Variants in ECPAS observed in about 807,000 individuals in gnomAD.
The protein encoded by ECPAS is Ecm29 proteasome adaptor and scaffold.
In ECPAS, 70 loss-of-function variants were observed where a neutral mutation model predicts 255.1. The observed-to-expected ratio is 0.27, with a 90% CI of 0.23 to 0.33. The LOEUF (loss-of-function observed/expected upper bound fraction) is 0.33. Among genes scored for constraint, ECPAS ranks in the 10% least tolerant of loss-of-function variants. ECPAS has a pLI of 1.00. For synonymous variants in ECPAS, 784 were observed against 775.0 expected (o/e 1.01, Z -0.19); for missense variants, 1,817 against 2,206.4 (o/e 0.82, Z 3.54).
rs902397132 is a variant in ECPAS at position 111,423,187 on chromosome 9, G to C, written c.1265+12C>G. The C allele has an allele frequency of 6.5e-7, 1 of 1,541,922 alleles. No individual in the cohort carries two copies. The highest frequency in any genetic ancestry group is 1.2e-5 in the South Asian group (1 of 83,730). On this transcript the variant is annotated intron_variant, in intron 13 of 49. Coordinates refer to ENST00000684092, the MANE Select transcript of ECPAS (RefSeq NM_001364929.1). ...CAACACCATATCTCTCACTAAAAAA[G>C]AGTTTACTCACCTGGAGAGTTTTCC...
At chr9:111,469,577 G>A (rs1345416449) in intron 2 of ECPAS, among the ~76,000 whole-genome samples, 5 of 152,092 alleles carry the variant, frequency 3.3e-5, no homozygotes, top group African/African-American at 4.8e-5. Flanking sequence ...TCGGGAGGCC[G>A]AGGTGGATGG....
At chr9:111,458,717 AACCCTGGAC>A in intron 2 of ECPAS, among the ~76,000 whole-genome samples, 1 of 152,160 alleles carries the variant, frequency 6.6e-6, no homozygotes, top group Admixed American at 6.5e-5. Flanking sequence ...TGGTCAATAA[AACCCTGGAC>A]ACCAAAGTTC....
intron 18 of ECPAS, 45 bp from the exon 19 acceptor site, chr9:111,414,696 G>T: frequency 6.6e-7 from 1 of 1,522,554 alleles, no homozygotes; most frequent in Non-Finnish European, 9.0e-7. Context: ...TTCTCGAAAA[G>T]TCAGTGTGGG....
chr9:111,428,291 A>G (rs2098224666), intron 9 of ECPAS, 130 bp from the exon 10 acceptor site: 7 of 719,290 alleles, frequency 9.7e-6, no homozygotes, highest in African/African-American at 7.2e-5. Flanking sequence ...CTTAAAAATT[A>G]CTGAACTCTC....
intron 6 of ECPAS, among the ~76,000 whole-genome samples, chr9:111,438,346 C>T (rs1203991726): frequency 1.3e-5 from 2 of 152,184 alleles, no homozygotes; most frequent in Admixed American, 6.5e-5. Flanking sequence ...CACCCTAAGG[C>T]TGGGTGTGGT....
At chr9:111,417,791 A>G (rs1267642883) in intron 17 of ECPAS, 92 bp downstream of exon 17, 4 of 1,205,986 alleles carry the variant, frequency 3.3e-6, no homozygotes, top group South Asian at 3.5e-5. Context: ...TTATGAGTCA[A>G]CATCTAGTGA....
At position 111,484,321 on chromosome 9, in the gene ECPAS, C is replaced by T; in HGVS notation, c.-288G>A. 1.3e-6 allele frequency: 2 copies of T among 1,595,014 alleles called. No homozygotes were observed. The highest frequency in any genetic ancestry group is 1.7e-6 in the Non-Finnish European group (2 of 1,172,350). On this transcript the variant is annotated 5_prime_UTR_variant, in exon 1 of 50. Transcript: ENST00000684092. The stretch of plus-strand genomic sequence containing the variant: ...GAGCGCCCTTTTCCGAGGTCTGCGG[C>T]TGTCACGTTGGCTGGGCCCGACCTG...
At chr9:111,415,558 A>G (rs1401632688) in intron 18 of ECPAS, among the ~76,000 whole-genome samples, 1 of 152,026 alleles carries the variant, frequency 6.6e-6, no homozygotes, top group Non-Finnish European at 1.5e-5. Flanking sequence ...AGAATTAGCC[A>G]GGGGTGGTGG....
chr9:111,432,422 T>C (rs1490220041), intron 8 of ECPAS, among the ~76,000 whole-genome samples: 2 of 152,170 alleles, frequency 1.3e-5, no homozygotes, highest in African/African-American at 2.4e-5. Context: ...GAGAGCAGCC[T>C]GGGCAACATG....
At chr9:111,469,407 G>A (rs180761025) in intron 2 of ECPAS, among the ~76,000 whole-genome samples, 5 of 151,398 alleles carry the variant, frequency 3.3e-5, no homozygotes, top group African/African-American at 7.3e-5. Context: ...GGTGACGGGC[G>A]CCTGCAATCC....
intron 32 of ECPAS, among the ~76,000 whole-genome samples, chr9:111,386,143 T>C (rs1046815122): frequency 7.9e-5 from 12 of 152,342 alleles, no homozygotes; most frequent in East Asian, 7.7e-4. Context: ...TTTGTATTTT[T>C]AGTAGAGACG....
chr9:111,409,247 G>A (rs906705336), intron 23 of ECPAS, among the ~76,000 whole-genome samples: 3 of 152,126 alleles, frequency 2.0e-5, no homozygotes, highest in African/African-American at 7.2e-5. Flanking sequence ...TTAAACAGTA[G>A]CTAGACCAAG....
chr9:111,448,308 C>T (rs2098255911), intron 3 of ECPAS, among the ~76,000 whole-genome samples: 1 of 151,862 alleles, frequency 6.6e-6, no homozygotes, highest in African/African-American at 2.4e-5. Flanking sequence ...GTTAAAATTG[C>T]AGGCTGGGGC....
intron 2 of ECPAS, among the ~76,000 whole-genome samples, chr9:111,456,075 T>C (rs994080482): frequency 6.6e-6 from 1 of 152,208 alleles, no homozygotes; most frequent in African/African-American, 2.4e-5. Context: ...TCTGGAATTT[T>C]CTTTTGGTAT....
At chr9:111,385,602 C>T (rs2098147040) in intron 32 of ECPAS, among the ~76,000 whole-genome samples, 160 bp from the exon 33 acceptor site, 1 of 152,064 alleles carries the variant, frequency 6.6e-6, no homozygotes, top group Admixed American at 6.6e-5. Context: ...TCAAATATAC[C>T]ATATATATAT....
In ECPAS at chr9:111,362,131, C is replaced by T; in HGVS notation, c.5419G>A (p.Val1807Met). Residue 1807 changes from valine (V) to methionine (M), a missense_variant, in exon 50 of 50, where the codon GTG (valine) becomes ATG (methionine). Around this residue, in one of 4 missense-constraint regions of ECPAS, gnomAD observed 960 missense variants for 1,179.0 expected, o/e 0.81. Coordinates refer to ENST00000684092, the MANE Select transcript of ECPAS (RefSeq NM_001364929.1). Reference sequence around the variant, plus strand: ...GTAGCTAAAGACTCAATTAGGAGCACTCTGCATTCAGATGTCAAACATTCC... The same window carrying T: ...GTAGCTAAAGACTCAATTAGGAGCATTCTGCATTCAGATGTCAAACATTCC... Reference protein sequence around the residue: ...QWECLTSECRVLLIESLATME... With the variant: ...QWECLTSECRMLLIESLATME... The T allele has an allele frequency of 2.5e-6, 4 of 1,607,088 alleles. No individual in the cohort carries two copies. The highest frequency in any genetic ancestry group is 2.7e-5 in the African/African-American group (2 of 74,142).
intron 7 of ECPAS, 133 bp downstream of exon 7, chr9:111,436,807 A>G: frequency 1.3e-6 from 1 of 764,644 alleles, no homozygotes; most frequent in Non-Finnish European, 2.0e-6. Flanking sequence ...AACACATTAC[A>G]TCAACTGCTT....
chr9:111,382,577 C>G (rs535011398), intron 35 of ECPAS, among the ~76,000 whole-genome samples: 2 of 152,090 alleles, frequency 1.3e-5, no homozygotes, highest in Admixed American at 6.5e-5. Context: ...CAAAGTGACA[C>G]TCTTAATTGC....
rs941776359 is a variant in ECPAS at position 111,440,601 on chromosome 9, C to A, written c.390-80G>T. The A allele has an allele frequency of 4.3e-6, 5 of 1,149,830 alleles. No homozygotes were observed. The African/African-American group carries it at 7.8e-5, about 18-fold the overall frequency. The allele number at this position is 1,149,830 out of a possible 1,614,324, so 71.2% of individuals were successfully genotyped here. A position where few individuals can be genotyped will look rare whatever the true frequency, so the allele number is the denominator to read the frequency against. ...TGCAAAACACAGACAAAACAAAAAT[C>A]ACGTAACAAAAACTGGCAGTTTTAA... On this transcript the variant is annotated intron_variant, in intron 5 of 49. Coordinates refer to ENST00000684092, the MANE Select transcript of ECPAS (RefSeq NM_001364929.1).
Sources: allele counts gnomAD v4.1 joint callset (sites outside exome capture counted in the v4.1 genomes callset), GRCh38; gene constraint gnomAD v4.1.1; regional missense constraint gnomAD v4.1.1; transcripts MANE v1.5; gene names NCBI Gene and HGNC (gene_info 2026-07-23, HGNC 2026-07-21).